ASNSD1: variants seen among roughly 807,000 people sequenced by gnomAD.
The protein encoded by ASNSD1 is asparagine synthetase domain containing 1, also known as asparagine synthetase domain-containing protein 1.
In ASNSD1, 36 loss-of-function variants were observed where a neutral mutation model predicts 48.3. The observed-to-expected ratio is 0.75, with a 90% CI of 0.57 to 0.99. The LOEUF (loss-of-function observed/expected upper bound fraction) is 0.99. Ranked by LOEUF, ASNSD1 falls within the 50% of genes least tolerant of loss-of-function variation. The pLI is 0.00. For synonymous variants in ASNSD1, 257 were observed against 262.1 expected, an observed-to-expected ratio of 0.98 and a Z score of 0.19; for missense variants, 714 against 758.2, an observed-to-expected ratio of 0.94 and a Z score of 0.69.
At chr2:189,668,506 T>A (rs1201719042) in intron 5 of ASNSD1, among the ~76,000 whole-genome samples, 1 of 4,784 alleles carries the variant, frequency 2.1e-4, no homozygotes, top group Non-Finnish European at 2.4e-3. Flanking sequence ...GAGACTCTGT[T>A]TCCACAAAAA....
chr2:189,667,043 A>ATGAAAACCTGACAGCAAATGAAGTTT lies in ASNSD1; in HGVS notation c.919_944dup (p.Cys316Ter). On this transcript the variant is annotated frameshift_variant, in exon 4 of 6. Transcript: ENST00000260952. LOFTEE classifies it high-confidence loss of function. Reference sequence around the variant, plus strand: ...AAACGTGTCTTGTGTTTACCTAGGGATGAAAACCTGACAGCAAATGAAGTT... The same window carrying ATGAAAACCTGACAGCAAATGAAGTTT: ...AAACGTGTCTTGTGTTTACCTAGGGATGAAAACCTGACAGCAAATGAAGTTTTGAAAACCTGACAGCAAATGAAGTT... The ATGAAAACCTGACAGCAAATGAAGTTT allele has an allele frequency of 1.2e-6, 2 of 1,614,104 alleles. No homozygotes were observed. Among genetic ancestry groups the ATGAAAACCTGACAGCAAATGAAGTTT allele is most frequent in the South Asian group, 2.2e-5 (2 of 91,078 alleles).
In ASNSD1 at chr2:189,670,696, T is replaced by C. The variant is rs2032907132; in HGVS notation, c.1902T>C (p.Asn634=). 1.3e-6 allele frequency: 2 copies of C among 1,598,368 alleles called. No individual in the cohort carries two copies. The highest frequency in any genetic ancestry group is 2.7e-5 in the African/African-American group (2 of 74,300). The change falls in exon 6 of 6, where the codon AAT becomes AAC. Residue 634 remains asparagine (N), a synonymous_variant. Coordinates refer to ENST00000260952, the MANE Select transcript of ASNSD1 (RefSeq NM_019048.4). ...CGRLQIMSLE[N]LSIEKETKL ...GGCTCCAAATCATGTCCTTAGAAAA[T>C]CTTTCTATTGAAAAGGAGACTAAAT...
chr2:189,666,948 C>T lies in ASNSD1; in HGVS notation c.816C>T (p.Val272=), dbSNP rs760582334. ...CACCTACAAGAGAGATACTTCAAGT[C>T]TTTCTTACTGATGTACACATGAAGG... ...NVPPTREILQ[V]FLTDVHMKEV... is the part of the protein sequence containing the mutation. The change falls in exon 4 of 6, where the codon GTC becomes GTT. Residue 272 remains valine (V), a synonymous_variant. Coordinates refer to ENST00000260952, the MANE Select transcript of ASNSD1 (RefSeq NM_019048.4). 6.2e-7 allele frequency: 1 copy of T among 1,614,078 alleles called. No individual in the cohort carries two copies. The highest frequency in any genetic ancestry group is 1.1e-5 in the South Asian group (1 of 91,076).
chr2:189,664,366 A>T (rs2032739492), intron 2 of ASNSD1, among the ~76,000 whole-genome samples: 1 of 152,194 alleles, frequency 6.6e-6, no homozygotes, highest in South Asian at 2.1e-4. Context: ...CCCTCCAAAA[A>T]ATTTTTACAT....
rs1459028480 is a variant in ASNSD1, at chr2:189,667,086, G to C, written c.954G>C (p.Arg318Ser). The C allele has an allele frequency of 1.9e-6, 3 of 1,614,098 alleles. No homozygotes were observed. In the South Asian group the frequency reaches 3.3e-5, roughly 18 times the overall value. The stretch of plus-strand genomic sequence containing the variant: ...ATGAAGTTTTGAAAACGTGTGATAG[G>C]AAAGCAAATGTTGCAATCCTGTTTT... ...TANEVLKTCDRKANVAILFSG... is the reference protein window; with the variant it reads ...TANEVLKTCDSKANVAILFSG... Residue 318 changes from arginine (R) to serine (S), a missense_variant, in exon 4 of 6, where the codon AGG becomes AGC. Physicochemically the swap from Arg to Ser is moderately radical, Grantham distance 110 (BLOSUM62 -1). Coordinates refer to ENST00000260952, the MANE Select transcript of ASNSD1 (RefSeq NM_019048.4).
At position 189,670,559 on chromosome 2, in the gene ASNSD1, G is replaced by A. The variant is rs150365840; in HGVS notation, c.1765G>A (p.Val589Met). The change falls in exon 6 of 6, where the codon GTG becomes ATG. Residue 589 changes from valine (V) to methionine (M), a missense_variant. Coordinates refer to ENST00000260952, the MANE Select transcript of ASNSD1 (RefSeq NM_019048.4). ...AAAATTACTTTTACGCCTTGCAGCT[G>A]TGGAACTTGGTCTTACAGCCTCTGC... ...GEKLLLRLAA[V>M]ELGLTASALL... 4 of 1,614,108 alleles carry A rather than the reference G, an allele frequency of 2.5e-6. No individual in the cohort carries two copies. Among genetic ancestry groups the A allele is most frequent in the Non-Finnish European group, 3.4e-6 (4 of 1,179,974 alleles).
At position 189,666,556 on chromosome 2, in the gene ASNSD1, A is replaced by T; in HGVS notation, c.424A>T (p.Ser142Cys). 6.2e-7 allele frequency: 1 copy of T among 1,614,030 alleles called. No homozygotes were observed. Among genetic ancestry groups the T allele is most frequent in the Non-Finnish European group, 8.5e-7 (1 of 1,179,992 alleles). ...WFGRDFFGRR[S>C]LLWHFSNLGK... ...TGGTAGGGATTTTTTTGGTCGCCGT[A>T]GCTTGCTTTGGCATTTTAGTAATTT... Residue 142 changes from serine to cysteine, a missense_variant, in exon 4 of 6, where the codon AGC becomes TGC. Coordinates refer to ENST00000260952, the MANE Select transcript of ASNSD1 (RefSeq NM_019048.4).
intron 2 of ASNSD1, 123 bp from the exon 3 acceptor site, chr2:189,665,253 G>T (rs2032758961): frequency 2.7e-6 from 1 of 369,752 alleles, no homozygotes; most frequent in South Asian, 1.4e-4. Flanking sequence ...CTTTTTGCTT[G>T]TCTGTATTTG....
At chr2:189,665,993 C>T in intron 3 of ASNSD1, 48 bp from the exon 4 acceptor site, 1 of 972,740 alleles carries the variant, frequency 1.0e-6, no homozygotes, top group Non-Finnish European at 1.4e-6. Flanking sequence ...AGGTAAAAGT[C>T]CAAGAATTTT....
chr2:189,663,228 C>CAT lies in ASNSD1; in HGVS notation c.-222-662_-222-661dup, dbSNP rs753635075. 1.2e-3 allele frequency among the ~76,000 whole-genome samples: 178 copies of CAT among 148,880 alleles called. 1 individual carries two copies. The highest frequency in any genetic ancestry group is 2.1e-3 in the Non-Finnish European group (139 of 67,636). ...CAACTTAATTCCTTTTGGTGTATAT[C>CAT]ATATATATATATTTTTTAAATTATT... is the stretch of plus-strand genomic sequence containing the variant. On this transcript the variant is annotated intron_variant, in intron 1 of 5. Transcript: ENST00000260952.
rs931174371 is a variant in ASNSD1 at position 189,661,503 on chromosome 2, G to A, written c.-330G>A. On this transcript the variant is annotated 5_prime_UTR_variant, in exon 1 of 6. Transcript: ENST00000260952. ...CCTTCAGGGCTGAGCCATCCCGCGT[G>A]TCTTGCGCTCGGTGGAAATGCCCAG... 5.0e-6 allele frequency: 2 copies of A among 399,248 alleles called. No homozygotes were observed. The highest frequency in any genetic ancestry group is 3.6e-5 in the East Asian group (1 of 28,078). 24.7% of individuals were successfully genotyped at this position (399,248 alleles called of 1,614,324 possible).
At chr2:189,670,172 C>T (rs184030453) in intron 5 of ASNSD1, among the ~76,000 whole-genome samples, 3 of 124,946 alleles carry the variant, frequency 2.4e-5, no homozygotes, top group African/African-American at 6.2e-5. Context: ...TAGCTGGGTG[C>T]GGTAGTGCTC....
In ASNSD1 at chr2:189,670,746, A is replaced by G. The variant is rs747783539; in HGVS notation, c.*20A>G. The G allele has an allele frequency of 1.4e-6, 2 of 1,446,184 alleles. No homozygotes were observed. 89.6% of individuals were successfully genotyped at this position (1,446,184 alleles called of 1,614,324 possible). On this transcript the variant is annotated 3_prime_UTR_variant, in exon 6 of 6. Coordinates refer to ENST00000260952, the MANE Select transcript of ASNSD1 (RefSeq NM_019048.4). Reference sequence around the variant, plus strand: ...TTGTAATGTGATTCACAATGTAACAATATAAAAATAAGTTTTTATATAATT... The same window carrying G: ...TTGTAATGTGATTCACAATGTAACAGTATAAAAATAAGTTTTTATATAATT...
chr2:189,663,910 CA>C lies in ASNSD1; in HGVS notation c.-207del. 1 of 387,858 alleles carries C rather than the reference CA, an allele frequency of 2.6e-6. No homozygotes were observed. 24.0% of individuals were successfully genotyped at this position (387,858 alleles called of 1,614,324 possible). A position where few individuals can be genotyped will look rare whatever the true frequency, so the allele number is the denominator to read the frequency against. The stretch of plus-strand genomic sequence containing the variant: ...TTCTTTATTTCAATAGATTAAAGAA[CA>C]AAAAATTGTGGTGGATGAACTTTCT... On this transcript the variant is annotated 5_prime_UTR_variant, in exon 2 of 6. An upstream open reading frame in the 5' UTR gains an earlier in-frame stop. Transcript: ENST00000260952.
chr2:189,663,852 G>T, intron 1 of ASNSD1, 49 bp from the exon 2 acceptor site: 2 of 377,338 alleles, frequency 5.3e-6, no homozygotes, highest in East Asian at 3.7e-5. Context: ...TTTTCATTGA[G>T]CATACTTTGA....
chr2:189,668,524 T>C (rs1448270185), intron 5 of ASNSD1, among the ~76,000 whole-genome samples: 3 of 151,852 alleles, frequency 2.0e-5, no homozygotes, highest in Non-Finnish European at 4.4e-5. Flanking sequence ...AAAAACAGAG[T>C]AAAACTGAGA....
chr2:189,668,548 A>G (rs1405917271), intron 5 of ASNSD1, among the ~76,000 whole-genome samples: 1 of 152,214 alleles, frequency 6.6e-6, no homozygotes, highest in Non-Finnish European at 1.5e-5. Context: ...TGAAATACTA[A>G]GAGAAGGTAT....
At chr2:189,668,783 A>G (rs371102343) in intron 5 of ASNSD1, among the ~76,000 whole-genome samples, 39 of 152,268 alleles carry the variant, frequency 2.6e-4, no homozygotes, top group African/African-American at 9.4e-4. Flanking sequence ...AAAACCTTCA[A>G]AGAAACCAAG....
At chr2:189,665,680 A>G (rs1465117297) in intron 3 of ASNSD1, among the ~76,000 whole-genome samples, 1 of 144,784 alleles carries the variant, frequency 6.9e-6, no homozygotes, top group African/African-American at 2.6e-5. Flanking sequence ...AGTTATTAAC[A>G]TGTGCTTTAG....
Sources: gnomAD v4.1 joint callset for allele counts (sites outside exome capture counted in the v4.1 genomes callset) on GRCh38, gnomAD v4.1.1 for gene constraint, MANE v1.5 for transcripts, NCBI Gene and HGNC (gene_info 2026-07-23, HGNC 2026-07-21) for gene names.